Variants in GID4 observed in about 807,000 individuals in gnomAD.
GID4 encodes the protein glucose-induced degradation protein 4 homolog.
GID4 carries 7 observed loss-of-function variants against 32.4 expected under a neutral mutation model. The ratio of observed to expected loss-of-function variants is 0.22; its 90% CI spans 0.12 to 0.41. GID4 has a LOEUF of 0.41. Among genes scored for constraint, GID4 ranks in the 10% least tolerant of loss-of-function variants. GID4 has a pLI of 1.00. For missense variants in GID4, 309 were observed against 400.0 expected (o/e 0.77, Z 1.94); for synonymous variants, 166 against 170.0 (o/e 0.98, Z 0.18).
chr17:18,041,960 G>A (rs1181771133), intron 1 of GID4, among the ~76,000 whole-genome samples: 2 of 152,212 alleles, frequency 1.3e-5, no homozygotes, highest in Admixed American at 6.5e-5. Context: ...GGGGGTGGTG[G>A]TCATGCCAAT....
chr17:18,058,826 C>T, intron 3 of GID4, 42 bp from the exon 4 acceptor site: 1 of 1,225,478 alleles, frequency 8.2e-7, no homozygotes, highest in Non-Finnish European at 1.2e-6. Context: ...AGCAGCCTCT[C>T]CTTCTCTCAG....
At chr17:18,055,186 A>G (rs1358376423) in intron 3 of GID4, among the ~76,000 whole-genome samples, 1 of 152,108 alleles carries the variant, frequency 6.6e-6, no homozygotes, top group Non-Finnish European at 1.5e-5. Flanking sequence ...AAAAAAAAAA[A>G]AAATCATTTT....
rs989095230 is a variant in GID4 at position 18,066,003 on chromosome 17, A to G, written c.*760A>G. On this transcript the variant is annotated 3_prime_UTR_variant, in exon 6 of 6. Transcript: ENST00000268719. ...CTCCAAACTTTTCAACTTGAGGGCAATACTAAACTTAAAAATAAGAGTTTT... is the reference window on the plus strand; with the variant it reads ...CTCCAAACTTTTCAACTTGAGGGCAGTACTAAACTTAAAAATAAGAGTTTT... 1 of 152,264 alleles carries G rather than the reference A, an allele frequency of 6.6e-6. No homozygotes were observed. Among genetic ancestry groups the G allele is most frequent in the Non-Finnish European group, 1.5e-5 (1 of 68,036 alleles). The allele number at this position is 152,264 out of a possible 1,614,324, so 9.4% of individuals were successfully genotyped here. A position where few individuals can be genotyped will look rare whatever the true frequency, so the allele number is the denominator to read the frequency against.
chr17:18,049,364 C>CAA (rs576086309), intron 2 of GID4, among the ~76,000 whole-genome samples: 1 of 120,628 alleles, frequency 8.3e-6, no homozygotes. Flanking sequence ...AGATAAGTGT[C>CAA]AAAAAAAAAA....
rs1047321605 is a variant in GID4 at position 18,039,620 on chromosome 17, C to T, written c.156C>T (p.Pro52=). The stretch of plus-strand genomic sequence containing the variant: ...GCCCCCACCCCGCGCGTGCGCGCCC[C>T]GGCCTCTCCCTCCCCGCCACCCTCC... ...PSRPHPARAR[P]GLSLPATLLG... The change falls in exon 1 of 6, where the codon CCC becomes CCT. Residue 52 remains proline, a synonymous_variant. Coordinates refer to ENST00000268719, the MANE Select transcript of GID4 (RefSeq NM_024052.5). The surrounding 1 kb of genome is among the most constrained non-coding windows in gnomAD (Gnocchi z 5.3). 3 of 1,293,312 alleles carry T rather than the reference C, an allele frequency of 2.3e-6. No individual in the cohort carries two copies. Among genetic ancestry groups the T allele is most frequent in the Non-Finnish European group, 2.9e-6 (3 of 1,023,890 alleles). The allele number at this position is 1,293,312 out of a possible 1,614,324, so 80.1% of individuals were successfully genotyped here.
At chr17:18,048,696 G>C (rs761679313) in intron 2 of GID4, among the ~76,000 whole-genome samples, 17 of 151,660 alleles carry the variant, frequency 1.1e-4, no homozygotes, top group Non-Finnish European at 1.5e-4. Context: ...GGGCTGGAGT[G>C]CAGTTGTGTG....
At chr17:18,043,316 G>A (rs1023514339) in intron 1 of GID4, among the ~76,000 whole-genome samples, 1 of 152,222 alleles carries the variant, frequency 6.6e-6, no homozygotes, top group Admixed American at 6.5e-5. Flanking sequence ...TCTTGAGCAT[G>A]TGATAATCCA....
rs2045014776 is a variant in GID4, at chr17:18,061,182, A to C, written c.709-663A>C. 2.0e-5 allele frequency among the ~76,000 whole-genome samples: 3 copies of C among 152,196 alleles called. No homozygotes were observed. In the South Asian group the frequency reaches 6.2e-4, roughly 32 times the overall value. ...CTCATCTGTGGTCCTTTAGTAGACC[A>C]CCTGAGGCCCTGGAGCTTCTGACCT... On this transcript the variant is annotated intron_variant, in intron 4 of 5. Coordinates refer to ENST00000268719, the MANE Select transcript of GID4 (RefSeq NM_024052.5). The surrounding 1 kb of genome is among the most constrained non-coding windows in gnomAD (Gnocchi z 4.4).
At chr17:18,063,317 G>A (rs533582581) in intron 5 of GID4, among the ~76,000 whole-genome samples, 2 of 152,004 alleles carry the variant, frequency 1.3e-5, no homozygotes, top group East Asian at 1.9e-4. Context: ...GGCTGAGGCA[G>A]GAGAATCACT....
At chr17:18,051,792 C>G (rs1173430469) in intron 2 of GID4, among the ~76,000 whole-genome samples, 1 of 148,520 alleles carries the variant, frequency 6.7e-6, no homozygotes, top group African/African-American at 2.5e-5. Context: ...TAGTTTATAC[C>G]GGCTGGGTGC....
chr17:18,059,610 C>A (rs1361045821), intron 4 of GID4, among the ~76,000 whole-genome samples: 1 of 152,158 alleles, frequency 6.6e-6, no homozygotes, highest in Non-Finnish European at 1.5e-5. Flanking sequence ...GTGATATTTA[C>A]AGCCCCAGAA....
chr17:18,051,611 G>A (rs1334285101), intron 2 of GID4, among the ~76,000 whole-genome samples: 1 of 151,646 alleles, frequency 6.6e-6, no homozygotes, highest in African/African-American at 2.4e-5. Flanking sequence ...GGAGGCGGAG[G>A]TTGCAGTGAG....
intron 2 of GID4, among the ~76,000 whole-genome samples, chr17:18,047,829 A>G (rs914066315): frequency 4.6e-5 from 7 of 152,232 alleles, no homozygotes; most frequent in African/African-American, 1.2e-4. Flanking sequence ...TTCACATACC[A>G]TACATTTCAC....
intron 1 of GID4, among the ~76,000 whole-genome samples, chr17:18,043,182 C>T (rs966297509): frequency 2.6e-5 from 4 of 152,156 alleles, no homozygotes; most frequent in Non-Finnish European, 2.9e-5. Flanking sequence ...TTGAGATGCT[C>T]GCCTGCCGTT....
chr17:18,047,537 G>T (rs932320434), intron 2 of GID4, among the ~76,000 whole-genome samples: 3 of 152,256 alleles, frequency 2.0e-5, no homozygotes, highest in Admixed American at 1.3e-4. Flanking sequence ...AAGCCCCCGT[G>T]AGTCGAGAGC....
At chr17:18,062,014 G>T (rs201475170) in intron 5 of GID4, 39 bp downstream of exon 5, 2 of 1,605,044 alleles carry the variant, frequency 1.2e-6, no homozygotes, top group African/African-American at 2.7e-5. Flanking sequence ...GGGAGGGCTT[G>T]CTGCCCAGCT....
At chr17:18,052,053 G>A (rs2044915294) in intron 2 of GID4, among the ~76,000 whole-genome samples, 1 of 147,500 alleles carries the variant, frequency 6.8e-6, no homozygotes, top group Non-Finnish European at 1.5e-5. Context: ...CGGTCTGGGC[G>A]ACAGAGCAAG....
chr17:18,041,216 C>G (rs1195227975), intron 1 of GID4, among the ~76,000 whole-genome samples: 1 of 152,174 alleles, frequency 6.6e-6, no homozygotes, highest in Non-Finnish European at 1.5e-5. Context: ...GCCCCACCCC[C>G]CGGGGTGTGA....
In GID4 at chr17:18,067,331, C is replaced by G. The variant is rs1161173449; in HGVS notation, c.*2088C>G. On this transcript the variant is annotated 3_prime_UTR_variant, in exon 6 of 6. Coordinates refer to ENST00000268719, the MANE Select transcript of GID4 (RefSeq NM_024052.5). ...TCATCCACGGCTCATGCTGTGGCTC[C>G]GAGTAGTGGTTTGAGTGGGCAGGAA... is the stretch of plus-strand genomic sequence containing the variant. The G allele has an allele frequency of 2.0e-5, 3 of 152,240 alleles. No homozygotes were observed. The highest frequency in any genetic ancestry group is 4.4e-5 in the Non-Finnish European group (3 of 68,088). 9.4% of individuals were successfully genotyped at this position (152,240 alleles called of 1,614,324 possible).
Sources: gnomAD v4.1 joint callset for allele counts (sites outside exome capture counted in the v4.1 genomes callset) on GRCh38, gnomAD v4.1.1 for gene constraint, Gnocchi (gnomAD v3.1) non-coding constraint, MANE v1.5 for transcripts, NCBI Gene and HGNC (gene_info 2026-07-23, HGNC 2026-07-21) for gene names.